The following CSMD1 variants were observed in gnomAD, a reference collection of about 807,000 sequenced individuals.
CSMD1 encodes the protein CUB and Sushi multiple domains 1.
CSMD1 carries 213 observed loss-of-function variants against 417.5 expected under a neutral mutation model. That is an observed-to-expected ratio of 0.51 (90% CI 0.46 to 0.57). The LOEUF is 0.57. Ranked by LOEUF, CSMD1 falls within the 20% of genes least tolerant of loss-of-function variation. The pLI is 0.00. For missense variants in CSMD1, 6,923 were observed against 4,529.7 expected (o/e 1.53, Z -15.17); for synonymous variants, 2,862 against 1,736.8 (o/e 1.65, Z -16.11).
chr8:3,587,591 T>C (rs2117007253), intron 8 of CSMD1, among the ~76,000 whole-genome samples: 1 of 152,160 alleles, frequency 6.6e-6, no homozygotes, highest in South Asian at 2.1e-4. Context: ...TCAAGTAACA[T>C]CGCACCAGCA....
chr8:3,356,718 G>A (rs1405636186), intron 21 of CSMD1, among the ~76,000 whole-genome samples: 2 of 152,066 alleles, frequency 1.3e-5, no homozygotes, highest in Non-Finnish European at 2.9e-5. Flanking sequence ...GGCAAAAACC[G>A]CAATTACTTT....
chr8:3,819,044 T>C (rs1801562688), intron 5 of CSMD1, among the ~76,000 whole-genome samples: 2 of 152,166 alleles, frequency 1.3e-5, no homozygotes, highest in Admixed American at 1.3e-4. Flanking sequence ...GGTAAAACAT[T>C]TCCTGTTTGT....
intron 3 of CSMD1, among the ~76,000 whole-genome samples, chr8:4,215,204 C>G (rs943436921): frequency 6.6e-6 from 1 of 152,172 alleles, no homozygotes; most frequent in South Asian, 2.1e-4. Context: ...AAGGCTTAAC[C>G]AGCTGCGACC....
intron 12 of CSMD1, among the ~76,000 whole-genome samples, chr8:3,446,007 C>T (rs941230555): frequency 2.0e-5 from 3 of 152,060 alleles, no homozygotes; most frequent in Non-Finnish European, 4.4e-5. Context: ...AATGGAAAGT[C>T]AAAAATACTG....
intron 3 of CSMD1, among the ~76,000 whole-genome samples, chr8:4,412,892 A>G (rs1190429064): frequency 4.6e-5 from 7 of 152,230 alleles, no homozygotes; most frequent in African/African-American, 1.7e-4. Context: ...AAAGAAAGAC[A>G]TAAGATAACT....
chr8:4,510,393 A>AAAG, intron 2 of CSMD1, among the ~76,000 whole-genome samples: 1 of 18,400 alleles, frequency 5.4e-5, no homozygotes. Flanking sequence ...TAATGCCTAA[A>AAAG]AAAAAAAAAA....
chr8:4,012,145 C>T (rs1460098875), intron 4 of CSMD1, among the ~76,000 whole-genome samples: 2 of 152,152 alleles, frequency 1.3e-5, no homozygotes, highest in South Asian at 2.1e-4. Flanking sequence ...TTTTCATCCA[C>T]ATTTCATTGA....
chr8:3,992,425 A>G (rs371418950), intron 5 of CSMD1, among the ~76,000 whole-genome samples: 26 of 152,096 alleles, frequency 1.7e-4, no homozygotes, highest in African/African-American at 6.3e-4. Flanking sequence ...TAAAACAAAA[A>G]TAAGTGTTGA....
At chr8:4,307,891 G>A (rs1391986180) in intron 3 of CSMD1, among the ~76,000 whole-genome samples, 3 of 152,152 alleles carry the variant, frequency 2.0e-5, no homozygotes, top group South Asian at 2.1e-4. Flanking sequence ...GTAGAGAGGA[G>A]GCAGCAGAGG....
intron 3 of CSMD1, among the ~76,000 whole-genome samples, chr8:4,110,950 A>C (rs1801820532): frequency 6.6e-6 from 1 of 152,188 alleles, no homozygotes; most frequent in African/African-American, 2.4e-5. Context: ...TCAATTAATA[A>C]GTATTACAGT....
chr8:4,774,233 T>C (rs915409716), intron 1 of CSMD1, among the ~76,000 whole-genome samples: 1 of 152,140 alleles, frequency 6.6e-6, no homozygotes, highest in African/African-American at 2.4e-5. Flanking sequence ...TTTTCTTTCC[T>C]TTTAAATAGA....
intron 2 of CSMD1, among the ~76,000 whole-genome samples, chr8:4,468,371 TAA>T (rs1367060881): frequency 6.6e-5 from 10 of 152,218 alleles, no homozygotes; most frequent in African/African-American, 2.2e-4. Flanking sequence ...AAACCATTAA[TAA>T]AGAGGATAAT....
chr8:4,759,364 G>A (rs1406818368), intron 1 of CSMD1, among the ~76,000 whole-genome samples: 1 of 152,168 alleles, frequency 6.6e-6, no homozygotes, highest in Non-Finnish European at 1.5e-5. Flanking sequence ...AGTGGACAGG[G>A]CCAGCATGCA....
At chr8:3,893,079 T>G (rs1251629859) in intron 5 of CSMD1, among the ~76,000 whole-genome samples, 2 of 151,902 alleles carry the variant, frequency 1.3e-5, no homozygotes, top group African/African-American at 4.8e-5. Flanking sequence ...GGAGAAATGC[T>G]GGAATTAGCT....
chr8:3,390,437 G>C lies in CSMD1; in HGVS notation c.2594-2755C>G, dbSNP rs567232189. On this transcript the variant is annotated intron_variant, in intron 17 of 69. Transcript: ENST00000635120. ...GAACAATACATTTATGATAAACTAA[G>C]ACCAGTCTGTGGACACAGGTAGCCA... Among the ~76,000 whole-genome samples, 17 of 142,442 alleles carry C rather than the reference G, an allele frequency of 1.2e-4. No homozygotes were observed. The East Asian group carries it at 3.4e-3, about 29-fold the overall frequency. The allele number at this position is 142,442 out of a possible 152,430, so 93.4% of individuals were successfully genotyped here. A position where few individuals can be genotyped will look rare whatever the true frequency, so the allele number is the denominator to read the frequency against.
At chr8:3,432,708 G>T (rs539015193) in intron 12 of CSMD1, among the ~76,000 whole-genome samples, 7 of 152,050 alleles carry the variant, frequency 4.6e-5, no homozygotes, top group African/African-American at 1.7e-4. Flanking sequence ...TACAGATGGG[G>T]TTTCACCATG....
chr8:4,056,968 C>T lies in CSMD1; in HGVS notation c.416-24869G>A, dbSNP rs576916601. On this transcript the variant is annotated intron_variant, in intron 3 of 69. Coordinates refer to ENST00000635120, the MANE Select transcript of CSMD1 (RefSeq NM_033225.6). ...CATTTGGGTTGGTTCCAAGTCTTTG[C>T]TATTGTGAATACTGCTGCAATAAAC... Among the ~76,000 whole-genome samples the T allele has an allele frequency of 2.0e-5, 3 of 152,260 alleles. No homozygotes were observed. The East Asian group carries it at 5.8e-4, about 29-fold the overall frequency.
intron 3 of CSMD1, among the ~76,000 whole-genome samples, chr8:4,058,013 G>T (rs12680235): frequency 0.11 from 17,156 of 151,400 alleles, 1,463 homozygotes; most frequent in East Asian, 0.34. Context: ...ACTTGGCAAT[G>T]TGGGCTCTTT....
At chr8:3,849,385 G>T (rs901826933) in intron 5 of CSMD1, among the ~76,000 whole-genome samples, 3 of 152,104 alleles carry the variant, frequency 2.0e-5, no homozygotes, top group African/African-American at 7.2e-5. Flanking sequence ...GCCATCACAG[G>T]CGCCAAGGAA....
Sources: gnomAD v4.1 joint callset for allele counts (sites outside exome capture counted in the v4.1 genomes callset) on GRCh38, gnomAD v4.1.1 for gene constraint, MANE v1.5 for transcripts, NCBI Gene and HGNC (gene_info 2026-07-23, HGNC 2026-07-21) for gene names.